Variants in GPC4 observed in about 807,000 individuals in gnomAD.
The protein encoded by GPC4 is glypican-4.
GPC4 carries 10 observed loss-of-function variants against 35.0 expected under a neutral mutation model. The observed-to-expected ratio is 0.29, with a 90% CI of 0.18 to 0.48. GPC4 has a LOEUF of 0.48. Ranked by LOEUF, GPC4 falls within the 20% of genes least tolerant of loss-of-function variation. The pLI is 0.99. For missense variants in GPC4, 322 were observed against 451.3 expected (o/e 0.71, Z 2.60); for synonymous variants, 167 against 170.2 (o/e 0.98, Z 0.15).
intron 1 of GPC4, among the ~76,000 whole-genome samples, chrX:133,383,732 A>G (rs777061423): frequency 8.9e-6 from 1 of 111,861 alleles, no homozygotes; most frequent in Non-Finnish European, 1.9e-5. Flanking sequence ...CTGTAATTCC[A>G]GCTACTCAGG....
At chrX:133,335,458 T>TAC (rs927774738) in intron 2 of GPC4, among the ~76,000 whole-genome samples, 9 of 109,499 alleles carry the variant, frequency 8.2e-5, no homozygotes, top group Non-Finnish European at 1.1e-4. Context: ...CACACACACA[T>TAC]ACACACACAC....
intron 1 of GPC4, among the ~76,000 whole-genome samples, chrX:133,348,124 C>T (rs1400518496): frequency 8.9e-6 from 1 of 112,535 alleles, no homozygotes; most frequent in Non-Finnish European, 1.9e-5. Context: ...CTTATAATAG[C>T]TTTAAACTGC....
chrX:133,377,877 C>CTTTTTTTTTTCTTT (rs2068641616), intron 1 of GPC4, among the ~76,000 whole-genome samples: 4 of 86,190 alleles, frequency 4.6e-5, no homozygotes, highest in African/African-American at 8.9e-5. Context: ...TTTTCTTTTT[C>CTTTTTTTTTTCTTT]TTTTTTTTTT....
At chrX:133,403,555 T>G in intron 1 of GPC4, among the ~76,000 whole-genome samples, 1 of 111,421 alleles carries the variant, frequency 9.0e-6, no homozygotes, top group Non-Finnish European at 1.9e-5. Context: ...ACAGCAGATA[T>G]GAATAAAAAT....
At chrX:133,406,488 G>A (rs113003978) in intron 1 of GPC4, among the ~76,000 whole-genome samples, 3,387 of 111,866 alleles carry the variant, frequency 0.03, 62 homozygotes, top group Non-Finnish European at 0.047. Flanking sequence ...GCTGGCTCAC[G>A]CCTGTAATCC....
intron 3 of GPC4, among the ~76,000 whole-genome samples, chrX:133,319,806 C>T (rs928741604): frequency 9.0e-6 from 1 of 111,371 alleles, no homozygotes; most frequent in African/African-American, 3.3e-5. Context: ...TAGCCAGATC[C>T]TTTATTGTCT....
intron 3 of GPC4, among the ~76,000 whole-genome samples, chrX:133,319,103 C>T (rs957031887): frequency 9.0e-6 from 1 of 111,686 alleles, no homozygotes; most frequent in African/African-American, 3.3e-5. Context: ...GGGAACATCT[C>T]TAAGTATGCA....
intron 2 of GPC4, among the ~76,000 whole-genome samples, chrX:133,329,530 C>T (rs937201304): frequency 9.0e-6 from 1 of 111,265 alleles, no homozygotes; most frequent in Non-Finnish European, 1.9e-5. Flanking sequence ...GGTTGTGAAA[C>T]GTCCCAGACA....
At chrX:133,358,464 G>A (rs2068551851) in intron 1 of GPC4, among the ~76,000 whole-genome samples, 1 of 112,352 alleles carries the variant, frequency 8.9e-6, no homozygotes, top group Non-Finnish European at 1.9e-5. Context: ...GCACTATCCT[G>A]ACAAATGATC....
intron 1 of GPC4, among the ~76,000 whole-genome samples, chrX:133,367,240 C>T (rs1444315475): frequency 8.9e-6 from 1 of 111,881 alleles, no homozygotes; most frequent in East Asian, 2.8e-4. Context: ...TTGGTAACAC[C>T]ATCAAAATCA....
rs1351351427 is a variant in GPC4, at chrX:133,306,041, C to T, written c.991G>A (p.Val331Ile). Reference protein sequence around the residue: ...DAIMNMQDNSVQVSQKVFQGC... With the variant: ...DAIMNMQDNSIQVSQKVFQGC... Reference sequence around the variant, plus strand: ...TTCATTACCTTCTGAGACACTTGAACACTATTATCCTGCATGTTCATAATA... The same window carrying T: ...TTCATTACCTTCTGAGACACTTGAATACTATTATCCTGCATGTTCATAATA... Residue 331 changes from valine (V) to isoleucine (I), a missense_variant, in exon 5 of 9, where the codon GTT (valine) becomes ATT (isoleucine). Coordinates refer to ENST00000370828, the MANE Select transcript of GPC4 (RefSeq NM_001448.3). 8.3e-7 allele frequency: 1 copy of T among 1,209,357 alleles called. No homozygotes were observed. The highest frequency in any genetic ancestry group is 1.8e-5 in the African/African-American group (1 of 56,959).
At chrX:133,406,912 T>C (rs1473055457) in intron 1 of GPC4, among the ~76,000 whole-genome samples, 1 of 109,918 alleles carries the variant, frequency 9.1e-6, no homozygotes, top group African/African-American at 3.3e-5. Context: ...CCATCTCTAC[T>C]AAACATACAA....
chrX:133,349,463 C>T (rs1406070439), intron 1 of GPC4, among the ~76,000 whole-genome samples: 1 of 112,381 alleles, frequency 8.9e-6, no homozygotes, highest in Non-Finnish European at 1.9e-5. Flanking sequence ...CAGGAATATC[C>T]GAAATGGTTA....
rs1466765144 is a variant in GPC4 at position 133,302,221 on chromosome X, A to G, written c.*646T>C. 2 of 112,100 alleles carry G rather than the reference A, an allele frequency of 1.8e-5. No individual in the cohort carries two copies. The highest frequency in any genetic ancestry group is 5.6e-4 in the East Asian group (2 of 3,561). 9.2% of individuals were successfully genotyped at this position (112,100 alleles called of 1,213,427 possible). On this transcript the variant is annotated 3_prime_UTR_variant, in exon 9 of 9. Coordinates refer to ENST00000370828, the MANE Select transcript of GPC4 (RefSeq NM_001448.3). Reference sequence around the variant, plus strand: ...ATCACCAATAAATGAAGTACACATAACCTCCTTCTTGGATTGATGCTTTGA... The same window carrying G: ...ATCACCAATAAATGAAGTACACATAGCCTCCTTCTTGGATTGATGCTTTGA...
intron 1 of GPC4, among the ~76,000 whole-genome samples, chrX:133,402,214 T>C: frequency 8.9e-6 from 1 of 111,996 alleles, no homozygotes; most frequent in Non-Finnish European, 1.9e-5. Flanking sequence ...TTTTCATCTC[T>C]GACCAAACAC....
At chrX:133,371,975 T>A (rs922360263) in intron 1 of GPC4, among the ~76,000 whole-genome samples, 3 of 111,103 alleles carry the variant, frequency 2.7e-5, no homozygotes, top group African/African-American at 9.8e-5. Context: ...GGCTCACATC[T>A]GTAATTCCAG....
intron 1 of GPC4, among the ~76,000 whole-genome samples, chrX:133,346,343 C>G (rs1424898911): frequency 9.0e-6 from 1 of 111,505 alleles, no homozygotes; most frequent in Non-Finnish European, 1.9e-5. Context: ...TCTCCTGCCT[C>G]ATGTCCAAAG....
intron 1 of GPC4, chrX:133,414,520 G>A: frequency 1.3e-6 from 1 of 754,496 alleles, no homozygotes; most frequent in Non-Finnish European, 1.6e-6. Context: ...AGGGGGGAGA[G>A]GAGGAGCGGA....
At chrX:133,340,957 C>T (rs963864225) in intron 1 of GPC4, among the ~76,000 whole-genome samples, 2 of 110,291 alleles carry the variant, frequency 1.8e-5, no homozygotes, top group African/African-American at 6.7e-5. Flanking sequence ...TTTGGCATTT[C>T]TGAAAACCTT....
Sources: gnomAD v4.1 joint callset for allele counts (sites outside exome capture counted in the v4.1 genomes callset) on GRCh38, gnomAD v4.1.1 for gene constraint, MANE v1.5 for transcripts, NCBI Gene and HGNC (gene_info 2026-07-23, HGNC 2026-07-21) for gene names.